Variants in PREP observed in about 807,000 individuals in gnomAD.
PREP encodes dJ355L5.1 (prolyl endopeptidase).
Under a neutral mutation model 87.6 loss-of-function variants are expected in PREP, and 29 were observed. The ratio of observed to expected loss-of-function variants is 0.33; its 90% CI spans 0.25 to 0.45. The LOEUF (loss-of-function observed/expected upper bound fraction) is 0.45. Among genes scored for constraint, PREP ranks in the 20% least tolerant of loss-of-function variants. PREP has a pLI of 1.00. For synonymous variants in PREP, 337 were observed against 328.6 expected (o/e 1.03, Z -0.28); for missense variants, 695 against 886.5 (o/e 0.78, Z 2.74).
At chr6:105,350,882 C>T (rs1771931687) in intron 7 of PREP, among the ~76,000 whole-genome samples, 1 of 152,196 alleles carries the variant, frequency 6.6e-6, no homozygotes, top group Admixed American at 6.5e-5. Context: ...CAGAAGCTAC[C>T]ACTGGAGAAT....
intron 1 of PREP, among the ~76,000 whole-genome samples, chr6:105,400,397 C>G (rs1423044792): frequency 2.0e-5 from 3 of 152,184 alleles, no homozygotes; most frequent in African/African-American, 7.2e-5. Context: ...CAGCCCCATG[C>G]AAATTTATCC....
chr6:105,293,101 A>G (rs562767492), intron 10 of PREP, among the ~76,000 whole-genome samples: 44 of 152,190 alleles, frequency 2.9e-4, no homozygotes, highest in South Asian at 6.2e-4. Flanking sequence ...AGCACTTTCA[A>G]TTTTTTCAAG....
At chr6:105,399,980 C>A (rs1036808829) in intron 1 of PREP, among the ~76,000 whole-genome samples, 2 of 152,116 alleles carry the variant, frequency 1.3e-5, no homozygotes, top group Non-Finnish European at 2.9e-5. Flanking sequence ...ACCAAGCAGC[C>A]CTATCTGCCC....
Position 105,280,426 on chromosome 6 carries a change from A to G in PREP, c.1838+1320T>C, listed in dbSNP as rs778321477. ...TGGTGATTAAAAATAAAACTCTTAC[A>G]TATGGGGAATGAAGGGCCAAAAAGA... is the stretch of plus-strand genomic sequence containing the variant. On this transcript the variant is annotated intron_variant, in intron 14 of 14. Transcript: ENST00000652536. Among the ~76,000 whole-genome samples the G allele has an allele frequency of 3.0e-4, 45 of 152,202 alleles. 1 individual carries two copies. The highest frequency in any genetic ancestry group is 7.3e-5 in the Non-Finnish European group (5 of 68,030).
intron 7 of PREP, among the ~76,000 whole-genome samples, chr6:105,334,000 C>T (rs146065030): frequency 6.6e-6 from 1 of 152,292 alleles, no homozygotes; most frequent in Non-Finnish European, 1.5e-5. Flanking sequence ...ACCAGAGATG[C>T]TGCAATGCAC....
At chr6:105,387,956 G>A (rs1773046724) in intron 2 of PREP, among the ~76,000 whole-genome samples, 1 of 152,182 alleles carries the variant, frequency 6.6e-6, no homozygotes, top group African/African-American at 2.4e-5. Context: ...ACTCAGCACA[G>A]TGGGCACCTA....
intron 10 of PREP, among the ~76,000 whole-genome samples, chr6:105,319,142 A>C (rs1425205363): frequency 6.6e-6 from 1 of 152,208 alleles, no homozygotes; most frequent in Non-Finnish European, 1.5e-5. Context: ...CGCCTTAGGG[A>C]TGTTACTGAT....
intron 7 of PREP, among the ~76,000 whole-genome samples, chr6:105,344,097 A>G (rs1454638483): frequency 6.6e-6 from 1 of 152,232 alleles, no homozygotes; most frequent in African/African-American, 2.4e-5. Flanking sequence ...CACTATTCAC[A>G]ATAGCAAAGA....
chr6:105,328,921 G>C lies in PREP; in HGVS notation c.1121C>G (p.Thr374Ser), dbSNP rs149545819. Residue 374 changes from threonine (T) to serine (S), a missense_variant, in exon 9 of 15, where the codon ACC becomes AGC. Around this residue, in one of 5 missense-constraint regions of PREP, gnomAD observed 517 missense variants for 620.3 expected, o/e 0.83. Coordinates refer to ENST00000652536, the MANE Select transcript of PREP (RefSeq NM_002726.5). Reference protein sequence around the residue: ...HDLTTGALLKTFPLDVGSIVG... With the variant: ...HDLTTGALLKSFPLDVGSIVG... ...AATGCTGCCGACATCGAGCGGGAAGGTCTTAAGGAGAGCACCAGTAGTCAG... is the reference window on the plus strand; with the variant it reads ...AATGCTGCCGACATCGAGCGGGAAGCTCTTAAGGAGAGCACCAGTAGTCAG... 71 of 1,614,050 alleles carry C rather than the reference G, an allele frequency of 4.4e-5. No homozygotes were observed. The highest frequency in any genetic ancestry group is 3.3e-4 in the African/African-American group (25 of 74,916).
chr6:105,331,956 C>T (rs779384615), intron 8 of PREP, among the ~76,000 whole-genome samples: 8 of 152,072 alleles, frequency 5.3e-5, no homozygotes, highest in Admixed American at 1.3e-4. Flanking sequence ...TGCAAGTTAA[C>T]GGGACTGTGC....
At chr6:105,294,150 T>C (rs1027042958) in intron 10 of PREP, among the ~76,000 whole-genome samples, 1 of 152,236 alleles carries the variant, frequency 6.6e-6, no homozygotes, top group African/African-American at 2.4e-5. Flanking sequence ...TTGAGCCTTA[T>C]TGACTGGGCC....
At chr6:105,401,520 T>C (rs985685706) in intron 1 of PREP, among the ~76,000 whole-genome samples, 1 of 152,226 alleles carries the variant, frequency 6.6e-6, no homozygotes, top group African/African-American at 2.4e-5. Context: ...ACCTAACTAG[T>C]GAATGACAGA....
chr6:105,328,860 G>C lies in PREP; in HGVS notation c.1182C>G (p.Ile394Met). 1 of 1,614,128 alleles carries C rather than the reference G, an allele frequency of 6.2e-7. No individual in the cohort carries two copies. Among genetic ancestry groups the C allele is most frequent in the Non-Finnish European group, 8.5e-7 (1 of 1,180,010 alleles). Residue 394 changes from isoleucine to methionine, a missense_variant, in exon 9 of 15, where the codon ATC (isoleucine) becomes ATG (methionine). Ile to Met is a conservative substitution (Grantham distance 10, BLOSUM62 1). This residue lies in a region of PREP where 517 missense variants were observed against 620.3 expected (regional missense o/e 0.83). Coordinates refer to ENST00000652536, the MANE Select transcript of PREP (RefSeq NM_002726.5). ...ATAAAAAGGAAGTAAACTGATAGAA[G>C]ATTTCAGTGTCCTTCTTCTGACCGC... ...GYSGQKKDTE[I>M]FYQFTSFLSP...
rs1583062710 is a variant in PREP at position 105,334,655 on chromosome 6, T to C, written c.824-1150A>G. Among the ~76,000 whole-genome samples, 3 of 151,532 alleles carry C rather than the reference T, an allele frequency of 2.0e-5. No individual in the cohort carries two copies. The South Asian group carries it at 6.3e-4, about 32-fold the overall frequency. Reference sequence around the variant, plus strand: ...ACAGCTTGAACACAGAAGGTGGAGGTTGCAGTGGGCTGAGATTGCGCCACT... The same window carrying C: ...ACAGCTTGAACACAGAAGGTGGAGGCTGCAGTGGGCTGAGATTGCGCCACT... On this transcript the variant is annotated intron_variant, in intron 7 of 14. Transcript: ENST00000652536.
chr6:105,326,813 C>T (rs560178194), intron 9 of PREP, among the ~76,000 whole-genome samples: 1 of 152,314 alleles, frequency 6.6e-6, no homozygotes, highest in Admixed American at 6.5e-5. Flanking sequence ...GGAGGCAAAA[C>T]TAGTAAAAGG....
rs74968015 is a variant in PREP at position 105,357,459 on chromosome 6, A to G, written c.718-4382T>C. On this transcript the variant is annotated intron_variant, in intron 6 of 14. Transcript: ENST00000652536. ...AATCTGAAGCAGGCAGTCCCAAGGT[A>G]CATTGCTGTTATAACGCCAATTAAG... Among the ~76,000 whole-genome samples, 1,436 of 152,354 alleles carry G rather than the reference A, an allele frequency of 9.4e-3. 20 individuals carry two copies. The highest frequency in any genetic ancestry group is 0.048 in the Middle Eastern group (14 of 294).
chr6:105,295,956 G>T (rs1469938972), intron 10 of PREP, among the ~76,000 whole-genome samples: 1 of 152,174 alleles, frequency 6.6e-6, no homozygotes, highest in Non-Finnish European at 1.5e-5. Context: ...ATTCCTTTTA[G>T]ATAAATCTGG....
intron 2 of PREP, among the ~76,000 whole-genome samples, chr6:105,378,367 C>T (rs1772747459): frequency 6.6e-6 from 1 of 152,080 alleles, no homozygotes; most frequent in South Asian, 2.1e-4. Flanking sequence ...GGCTGAGGCA[C>T]AAAAATCGCT....
At chr6:105,318,540 G>C (rs569535449) in intron 10 of PREP, among the ~76,000 whole-genome samples, 1 of 152,274 alleles carries the variant, frequency 6.6e-6, no homozygotes, top group African/African-American at 2.4e-5. Flanking sequence ...AGGGATACAA[G>C]TATGTACACT....
Sources: allele counts gnomAD v4.1 joint callset (sites outside exome capture counted in the v4.1 genomes callset), GRCh38; gene constraint gnomAD v4.1.1; regional missense constraint gnomAD v4.1.1; transcripts MANE v1.5; gene names NCBI Gene and HGNC (gene_info 2026-07-23, HGNC 2026-07-21).